CAMK4: variants seen among roughly 807,000 people sequenced by gnomAD.
The protein encoded by CAMK4 is calcium/calmodulin dependent protein kinase IV.
CAMK4 carries 22 observed loss-of-function variants against 44.9 expected under a neutral mutation model. The ratio of observed to expected loss-of-function variants is 0.49; its 90% CI spans 0.35 to 0.70. The LOEUF is 0.70. Among genes scored for constraint, CAMK4 ranks in the 30% least tolerant of loss-of-function variants. The pLI is 0.01. For missense variants in CAMK4, 498 were observed against 586.8 expected, an observed-to-expected ratio of 0.85 and a Z score of 1.56; for synonymous variants, 218 against 215.4, an observed-to-expected ratio of 1.01 and a Z score of -0.11.
chr5:111,367,138 T>G (rs1750821874), intron 2 of CAMK4, among the ~76,000 whole-genome samples: 1 of 149,976 alleles, frequency 6.7e-6, no homozygotes. Flanking sequence ...TTTCTGTTGC[T>G]ATAAACAGAA....
intron 1 of CAMK4, among the ~76,000 whole-genome samples, chr5:111,237,609 T>C (rs1033583129): frequency 3.3e-5 from 5 of 152,246 alleles, no homozygotes; most frequent in South Asian, 2.1e-4. Context: ...GTTGTAGATA[T>C]CTAGGACAAG....
In CAMK4 at chr5:111,468,975, C is replaced by G. The variant is rs371891124; in HGVS notation, c.626-4336C>G. The stretch of plus-strand genomic sequence containing the variant: ...CCTGGGTGACAGAGCGAGATTCTGT[C>G]CCAACAACAACAACAAAAATTAGCT... On this transcript the variant is annotated intron_variant, in intron 7 of 10. Coordinates refer to ENST00000282356, the MANE Select transcript of CAMK4 (RefSeq NM_001744.6). Among the ~76,000 whole-genome samples, 11 of 149,090 alleles carry G rather than the reference C, an allele frequency of 7.4e-5. No homozygotes were observed. The East Asian group carries it at 2.2e-3, about 29-fold the overall frequency.
rs563703688 is a variant in CAMK4 at position 111,287,801 on chromosome 5, C to A, written c.162-56223C>A. ...AAATTACATCCTAACCTTTTTATTG[C>A]AAAAACCCCATAGCTATAGAAAAAT... On this transcript the variant is annotated intron_variant, in intron 1 of 10. Transcript: ENST00000282356. Among the ~76,000 whole-genome samples the A allele has an allele frequency of 1.1e-3, 174 of 152,146 alleles. 2 individuals are homozygous for A. Among genetic ancestry groups the A allele is most frequent in the Middle Eastern group, 3.4e-3 (1 of 294 alleles).
At chr5:111,251,720 A>C (rs892276642) in intron 1 of CAMK4, among the ~76,000 whole-genome samples, 6 of 152,126 alleles carry the variant, frequency 3.9e-5, no homozygotes, top group African/African-American at 1.2e-4. Flanking sequence ...TCTAAATATT[A>C]AATTGAAATA....
intron 1 of CAMK4, among the ~76,000 whole-genome samples, chr5:111,241,572 T>A (rs1433408177): frequency 6.6e-6 from 1 of 152,180 alleles, no homozygotes; most frequent in Non-Finnish European, 1.5e-5. Flanking sequence ...GGTGACTAAG[T>A]CTAGCTCACC....
At chr5:111,368,394 G>A (rs1364915391) in intron 2 of CAMK4, among the ~76,000 whole-genome samples, 1 of 152,136 alleles carries the variant, frequency 6.6e-6, no homozygotes, top group Non-Finnish European at 1.5e-5. Context: ...TTTGGAAAGG[G>A]AATTTAGAAG....
intron 1 of CAMK4, among the ~76,000 whole-genome samples, chr5:111,237,102 G>A (rs1178316174): frequency 6.6e-6 from 1 of 152,102 alleles, no homozygotes; most frequent in Admixed American, 6.5e-5. Context: ...GTTCCCTGCT[G>A]TGTCCCCAGA....
chr5:111,254,044 A>T (rs1749633172), intron 1 of CAMK4, among the ~76,000 whole-genome samples: 1 of 152,214 alleles, frequency 6.6e-6, no homozygotes. Context: ...ATAGTTTAAG[A>T]TCTGAATATT....
intron 7 of CAMK4, among the ~76,000 whole-genome samples, chr5:111,450,404 T>C (rs907475584): frequency 3.3e-5 from 5 of 151,828 alleles, no homozygotes; most frequent in East Asian, 3.9e-4. Flanking sequence ...GAACTGTTAA[T>C]CACCTACTGT....
intron 5 of CAMK4, among the ~76,000 whole-genome samples, chr5:111,402,889 T>C (rs1035508627): frequency 6.6e-6 from 1 of 152,222 alleles, no homozygotes; most frequent in African/African-American, 2.4e-5. Flanking sequence ...GATGACACCA[T>C]TGGAATTCTC....
chr5:111,278,805 G>T (rs1434368661), intron 1 of CAMK4, among the ~76,000 whole-genome samples: 1 of 152,146 alleles, frequency 6.6e-6, no homozygotes, highest in Non-Finnish European at 1.5e-5. Flanking sequence ...CCAAAGAAAT[G>T]AGAGAGGGAG....
At chr5:111,273,736 C>CACACACACGCTCACACACACAT (rs1242797548) in intron 1 of CAMK4, among the ~76,000 whole-genome samples, 38 of 135,226 alleles carry the variant, frequency 2.8e-4, no homozygotes, top group Non-Finnish European at 5.4e-4. Context: ...CATACATACA[C>CACACACACGCTCACACACACAT]ACACACACGC....
chr5:111,345,447 A>G (rs1339546343), intron 2 of CAMK4, among the ~76,000 whole-genome samples: 1 of 151,960 alleles, frequency 6.6e-6, no homozygotes, highest in Admixed American at 6.6e-5. Flanking sequence ...TAAAACTTTT[A>G]TGAAATAGAA....
At chr5:111,421,448 T>A (rs566349577) in intron 5 of CAMK4, among the ~76,000 whole-genome samples, 2 of 152,316 alleles carry the variant, frequency 1.3e-5, no homozygotes, top group East Asian at 3.9e-4. Flanking sequence ...TCTTTATAGA[T>A]GTTCAGCATC....
At chr5:111,394,894 T>C in intron 5 of CAMK4, 112 bp downstream of exon 5, 1 of 686,526 alleles carries the variant, frequency 1.5e-6, no homozygotes, top group South Asian at 1.9e-5. Context: ...CAGCATAAAG[T>C]TGTGAAATAT....
At chr5:111,459,741 C>T (rs1336028433) in intron 7 of CAMK4, among the ~76,000 whole-genome samples, 1 of 132,308 alleles carries the variant, frequency 7.6e-6, no homozygotes, top group African/African-American at 3.1e-5. Flanking sequence ...GTCACCCAGG[C>T]TGGAGTGCAG....
intron 5 of CAMK4, among the ~76,000 whole-genome samples, chr5:111,397,674 T>TGTGC (rs1463060373): frequency 2.3e-5 from 3 of 132,684 alleles, no homozygotes; most frequent in Non-Finnish European, 4.8e-5. Context: ...TGTGTGTGTG[T>TGTGC]GTGTGTGTGT....
chr5:111,452,230 C>T (rs1754263285), intron 7 of CAMK4, among the ~76,000 whole-genome samples: 1 of 152,148 alleles, frequency 6.6e-6, no homozygotes, highest in Non-Finnish European at 1.5e-5. Flanking sequence ...ACTTTGTCAA[C>T]TTTGTATGAC....
chr5:111,286,994 G>A (rs575619981), intron 1 of CAMK4, among the ~76,000 whole-genome samples: 5 of 152,062 alleles, frequency 3.3e-5, no homozygotes, highest in South Asian at 4.1e-4. Flanking sequence ...TCCTTATGTA[G>A]GTTCTTGAGA....
Sources: allele counts gnomAD v4.1 joint callset (sites outside exome capture counted in the v4.1 genomes callset), GRCh38; gene constraint gnomAD v4.1.1; transcripts MANE v1.5; gene names NCBI Gene and HGNC (gene_info 2026-07-23, HGNC 2026-07-21).